The following MEMO1 variants were observed in gnomAD, a reference collection of about 807,000 sequenced individuals.
MEMO1 encodes protein MEMO1.
A neutral mutation model predicts 45.2 loss-of-function variants in MEMO1; 6 were observed. The ratio of observed to expected loss-of-function variants is 0.13; its 90% confidence interval spans 0.07 to 0.26. The LOEUF is 0.26. Ranked by LOEUF, MEMO1 falls within the 10% of genes least tolerant of loss-of-function variation. MEMO1 has a pLI of 1.00. For synonymous variants in MEMO1, 78 were observed against 124.3 expected, an observed-to-expected ratio of 0.63 and a Z score of 2.48; for missense variants, 184 against 370.5, an observed-to-expected ratio of 0.50 and a Z score of 4.13.
intron 2 of MEMO1, among the ~76,000 whole-genome samples, chr2:31,970,808 A>T (rs1669302365): frequency 6.6e-6 from 1 of 152,208 alleles, no homozygotes; most frequent in Non-Finnish European, 1.5e-5. Context: ...GTTTGAGACC[A>T]GCCTGGCCAA....
At chr2:31,937,854 TC>T (rs1665102042) in intron 3 of MEMO1, among the ~76,000 whole-genome samples, 2 of 152,236 alleles carry the variant, frequency 1.3e-5, no homozygotes, top group South Asian at 4.1e-4. Context: ...TTAATAAGTT[TC>T]TTAAGCGATG....
chr2:32,007,089 T>C (rs1379654826), intron 2 of MEMO1, among the ~76,000 whole-genome samples: 1 of 152,150 alleles, frequency 6.6e-6, no homozygotes, highest in East Asian at 1.9e-4. Flanking sequence ...CACTCTCAAC[T>C]GAGTAAGTCC....
rs987256708 is a variant in MEMO1, at chr2:31,932,583, C to G, written c.144-448G>C. 2.0e-5 allele frequency among the ~76,000 whole-genome samples: 3 copies of G among 152,034 alleles called. No individual in the cohort carries two copies. The East Asian group carries it at 5.8e-4, about 29-fold the overall frequency. On this transcript the variant is annotated intron_variant, in intron 3 of 9. Coordinates refer to ENST00000404530, the MANE Select transcript of MEMO1 (RefSeq NM_001301833.4). ...CTTCCTCAGTAGCTGAGACCATAGG[C>G]GCATGCCACCATTATCTGGCTCATT...
rs560134069 is a variant in MEMO1, at chr2:31,891,606, G to A, written c.580+386C>T. Among the ~76,000 whole-genome samples the A allele has an allele frequency of 2.6e-5, 4 of 151,806 alleles. No homozygotes were observed. In the South Asian group the frequency reaches 8.3e-4, roughly 32 times the overall value. On this transcript the variant is annotated intron_variant, in intron 7 of 9. Transcript: ENST00000404530. ...AAAAAGGAAATGTGGAAAAGGACTG[G>A]CACAGCACACAGTGCTCTTCTATAC...
chr2:31,931,381 C>T (rs1385693501), intron 4 of MEMO1, among the ~76,000 whole-genome samples: 1 of 152,062 alleles, frequency 6.6e-6, no homozygotes, highest in Non-Finnish European at 1.5e-5. Context: ...GATCGCTTTA[C>T]CTATTCACAT....
At chr2:31,938,974 G>T (rs568221143) in intron 3 of MEMO1, among the ~76,000 whole-genome samples, 165 of 151,330 alleles carry the variant, frequency 1.1e-3, no homozygotes, top group African/African-American at 3.8e-3. Flanking sequence ...TTTTGTAGAG[G>T]GGGTTTCGCC....
intron 5 of MEMO1, among the ~76,000 whole-genome samples, chr2:31,919,404 C>G (rs1229274064): frequency 6.6e-6 from 1 of 152,146 alleles, no homozygotes; most frequent in Non-Finnish European, 1.5e-5. Flanking sequence ...CTGCCCATCT[C>G]AGCCTCTCAA....
At chr2:31,915,580 A>T (rs569413308) in intron 6 of MEMO1, among the ~76,000 whole-genome samples, 11 of 149,666 alleles carry the variant, frequency 7.3e-5, no homozygotes, top group Admixed American at 2.0e-4. Context: ...AAAGAAGAAG[A>T]AGTCTAAGCT....
chr2:31,944,640 A>AT (rs1021828669), intron 2 of MEMO1, among the ~76,000 whole-genome samples: 4 of 152,148 alleles, frequency 2.6e-5, no homozygotes, highest in African/African-American at 7.2e-5. Flanking sequence ...TTCTGCTCCC[A>AT]TAACTATTAT....
chr2:31,870,139 GTCAACTCTCTATTAA>G (rs1452304701), intron 8 of MEMO1, among the ~76,000 whole-genome samples, 187 bp from the exon 9 acceptor site: 1 of 152,050 alleles, frequency 6.6e-6, no homozygotes, highest in Non-Finnish European at 1.5e-5. Context: ...CACCATTATA[GTCAACTCTCTATTAA>G]CAGAAAACTT....
At chr2:31,972,635 C>T (rs2148466962) in intron 2 of MEMO1, among the ~76,000 whole-genome samples, 1 of 152,148 alleles carries the variant, frequency 6.6e-6, no homozygotes, top group Non-Finnish European at 1.5e-5. Context: ...TGCTTGAGCC[C>T]AGGAGATGGA....
intron 2 of MEMO1, among the ~76,000 whole-genome samples, chr2:31,978,960 TC>T (rs1174201440): frequency 4.7e-5 from 7 of 150,202 alleles, no homozygotes; most frequent in African/African-American, 1.2e-4. Context: ...TGATTATCCA[TC>T]CCCCCCCAAA....
intron 2 of MEMO1, among the ~76,000 whole-genome samples, chr2:32,002,144 C>CAAAAAAAAAA (rs1156408005): frequency 1.8e-5 from 1 of 55,694 alleles, no homozygotes; most frequent in African/African-American, 6.9e-5. Flanking sequence ...GACTCTGTCT[C>CAAAAAAAAAA]AAAAAAAAAA....
At chr2:31,928,546 C>CAA (rs11340855) in intron 4 of MEMO1, among the ~76,000 whole-genome samples, 3 of 105,460 alleles carry the variant, frequency 2.8e-5, no homozygotes, top group Non-Finnish European at 4.1e-5. Flanking sequence ...GACTCCATCT[C>CAA]AAAAAAAAAA....
intron 6 of MEMO1, among the ~76,000 whole-genome samples, chr2:31,901,855 GC>G (rs2148049311): frequency 6.6e-6 from 1 of 151,622 alleles, no homozygotes; most frequent in East Asian, 1.9e-4. Context: ...GTTGCAGTGA[GC>G]CAAGATTACA....
intron 6 of MEMO1, among the ~76,000 whole-genome samples, chr2:31,903,279 A>G (rs1347290876): frequency 6.6e-6 from 1 of 152,084 alleles, no homozygotes; most frequent in Non-Finnish European, 1.5e-5. Context: ...AATTAAACCA[A>G]CTGTAACAAC....
At chr2:32,003,677 T>C (rs1235470488) in intron 2 of MEMO1, among the ~76,000 whole-genome samples, 1 of 152,186 alleles carries the variant, frequency 6.6e-6, no homozygotes, top group East Asian at 1.9e-4. Flanking sequence ...GAGGGTAACT[T>C]CATGACATTC....
intron 2 of MEMO1, among the ~76,000 whole-genome samples, chr2:31,982,612 C>T (rs538412124): frequency 3.4e-5 from 5 of 147,474 alleles, no homozygotes; most frequent in South Asian, 2.1e-4. Context: ...AAAAAAGATA[C>T]GTATGAAGTT....
intron 2 of MEMO1, among the ~76,000 whole-genome samples, chr2:31,955,754 A>G (rs1667344126): frequency 6.6e-6 from 1 of 151,988 alleles, no homozygotes; most frequent in Admixed American, 6.6e-5. Context: ...GATTATAGGC[A>G]TGCACCACTA....
Sources: allele counts gnomAD v4.1 joint callset (sites outside exome capture counted in the v4.1 genomes callset), GRCh38; gene constraint gnomAD v4.1.1; transcripts MANE v1.5; gene names NCBI Gene and HGNC (gene_info 2026-07-23, HGNC 2026-07-21).